The following PRKN variants were observed in gnomAD, a reference collection of about 807,000 sequenced individuals.
PRKN encodes the protein E3 ubiquitin-protein ligase parkin.
A neutral mutation model predicts 59.5 loss-of-function variants in PRKN; 56 were observed. That is an observed-to-expected ratio of 0.94 (90% CI 0.76 to 1.18). The LOEUF (loss-of-function observed/expected upper bound fraction) is 1.18, where lower values mean the gene tolerates loss of function less well. Among genes scored for constraint, PRKN ranks in the 50% most tolerant of loss-of-function variants. PRKN has a pLI of 0.00. For synonymous variants in PRKN, 250 were observed against 222.1 expected (o/e 1.13, Z -1.12); for missense variants, 657 against 596.4 (o/e 1.10, Z -1.06).
intron 6 of PRKN, among the ~76,000 whole-genome samples, chr6:161,935,752 A>G (rs189544529): frequency 6.6e-6 from 1 of 152,294 alleles, no homozygotes; most frequent in East Asian, 1.9e-4. Context: ...TTACAAATTG[A>G]TAACTCCTGT....
intron 1 of PRKN, among the ~76,000 whole-genome samples, chr6:162,455,122 C>T (rs1790806609): frequency 6.6e-6 from 1 of 152,124 alleles, no homozygotes; most frequent in Non-Finnish European, 1.5e-5. Flanking sequence ...CAGGGAAGTT[C>T]TCAGAAGATC....
At position 161,355,904 on chromosome 6, in the gene PRKN, C is replaced by T. The variant is rs1784729327; in HGVS notation, c.1285+4184G>A. On this transcript the variant is annotated intron_variant, in intron 11 of 11. Coordinates refer to ENST00000366898, the MANE Select transcript of PRKN (RefSeq NM_004562.3). The surrounding 1 kb of genome is among the most constrained non-coding windows in gnomAD (Gnocchi z 6.8). The stretch of plus-strand genomic sequence containing the variant: ...ATTATTATTAAACTGGTGGGTGGGA[C>T]TCGTTGGGTAAAGGGGGAAGCAGAC... Among the ~76,000 whole-genome samples the T allele has an allele frequency of 6.6e-6, 1 of 151,996 alleles. No individual in the cohort carries two copies. The highest frequency in any genetic ancestry group is 2.4e-5 in the African/African-American group (1 of 41,348).
At chr6:162,585,343 G>A (rs1419677462) in intron 1 of PRKN, among the ~76,000 whole-genome samples, 4 of 152,046 alleles carry the variant, frequency 2.6e-5, no homozygotes, top group Admixed American at 6.5e-5. Context: ...CATGTCCTCC[G>A]ACAGCAAACT....
At position 161,832,809 on chromosome 6, in the gene PRKN, G is replaced by A. The variant is rs147745377; in HGVS notation, c.735-46901C>T. Among the ~76,000 whole-genome samples, 460 of 151,872 alleles carry A rather than the reference G, an allele frequency of 3.0e-3. 3 individuals are homozygous for A. Among genetic ancestry groups the A allele is most frequent in the African/African-American group, 4.4e-3 (182 of 41,416 alleles). On this transcript the variant is annotated intron_variant, in intron 6 of 11. Coordinates refer to ENST00000366898, the MANE Select transcript of PRKN (RefSeq NM_004562.3). ...GTCTGTCTGGAGAAAGCTTTGTGGCGGCGCCTGTGCCCTGCAGGGTCTCCA... is the reference window on the plus strand; with the variant it reads ...GTCTGTCTGGAGAAAGCTTTGTGGCAGCGCCTGTGCCCTGCAGGGTCTCCA...
chr6:162,653,186 A>G (rs749879979), intron 1 of PRKN, among the ~76,000 whole-genome samples: 10 of 152,246 alleles, frequency 6.6e-5, no homozygotes, highest in Non-Finnish European at 1.3e-4. Context: ...GGAAGGATAT[A>G]CAAACAGTTT....
intron 11 of PRKN, among the ~76,000 whole-genome samples, chr6:161,351,137 T>C (rs1436024453): frequency 4.1e-4 from 54 of 130,454 alleles, no homozygotes; most frequent in Non-Finnish European, 4.7e-4. Context: ...TTTATATATT[T>C]ATATTTAAAA....
At chr6:161,632,451 C>T (rs1045984322) in intron 7 of PRKN, among the ~76,000 whole-genome samples, 3 of 152,128 alleles carry the variant, frequency 2.0e-5, no homozygotes, top group Admixed American at 6.5e-5. Flanking sequence ...GAAATTGCAT[C>T]TTGATTCATT....
At chr6:162,491,269 C>CAA (rs1415926992) in intron 1 of PRKN, among the ~76,000 whole-genome samples, 12 of 75,994 alleles carry the variant, frequency 1.6e-4, no homozygotes, top group African/African-American at 3.3e-4. Context: ...GACTCTGGCT[C>CAA]AAAAAAAAAA....
At chr6:161,988,295 T>C (rs1369812255) in intron 5 of PRKN, among the ~76,000 whole-genome samples, 1 of 152,074 alleles carries the variant, frequency 6.6e-6, no homozygotes, top group African/African-American at 2.4e-5. Context: ...GAGACCAGCC[T>C]GGCCAACGTG....
chr6:162,031,941 C>A (rs1161725676), intron 5 of PRKN, among the ~76,000 whole-genome samples: 1 of 152,174 alleles, frequency 6.6e-6, no homozygotes, highest in Non-Finnish European at 1.5e-5. Flanking sequence ...AAAGCTTGTT[C>A]TACTAACTAC....
intron 2 of PRKN, among the ~76,000 whole-genome samples, chr6:162,312,604 T>C (rs1021485480): frequency 6.6e-6 from 1 of 152,164 alleles, no homozygotes; most frequent in Non-Finnish European, 1.5e-5. Flanking sequence ...TGACAGGGGA[T>C]AACACACACC....
chr6:162,641,385 G>A (rs1454382467), intron 1 of PRKN, among the ~76,000 whole-genome samples: 1 of 151,722 alleles, frequency 6.6e-6, no homozygotes, highest in African/African-American at 2.4e-5. Flanking sequence ...TCAAATTGTA[G>A]AAGGCAAAAA....
At position 162,175,005 on chromosome 6, in the gene PRKN, C is replaced by T. The variant is rs185627901; in HGVS notation, c.534+26126G>A. On this transcript the variant is annotated intron_variant, in intron 4 of 11. Coordinates refer to ENST00000366898, the MANE Select transcript of PRKN (RefSeq NM_004562.3). ...GCCTACCGAGGTGTCTTTCCCCACC[C>T]TGTGAGGCTCTACTAAAGAGACAAG... is the stretch of plus-strand genomic sequence containing the variant. 6.4e-3 allele frequency among the ~76,000 whole-genome samples: 974 copies of T among 152,316 alleles called. 8 individuals are homozygous for T. The highest frequency in any genetic ancestry group is 0.022 in the African/African-American group (922 of 41,556).
chr6:161,508,762 TC>T (rs1015632166), intron 9 of PRKN, among the ~76,000 whole-genome samples: 1 of 151,952 alleles, frequency 6.6e-6, no homozygotes, highest in Non-Finnish European at 1.5e-5. Context: ...CTACTTTTTT[TC>T]CCCCTCAATT....
chr6:161,961,458 G>T (rs1338202967), intron 6 of PRKN, among the ~76,000 whole-genome samples: 4 of 152,176 alleles, frequency 2.6e-5, no homozygotes, highest in Non-Finnish European at 5.9e-5. Context: ...ATGATTCTAT[G>T]TATTTCTTCA....
At chr6:162,240,326 A>G (rs1280868481) in intron 3 of PRKN, among the ~76,000 whole-genome samples, 1 of 152,216 alleles carries the variant, frequency 6.6e-6, no homozygotes, top group East Asian at 1.9e-4. Context: ...GCTGTTACAG[A>G]ACAGACCTTC....
intron 1 of PRKN, among the ~76,000 whole-genome samples, chr6:162,686,534 T>C (rs1777559923): frequency 6.6e-6 from 1 of 152,202 alleles, no homozygotes; most frequent in Non-Finnish European, 1.5e-5. Context: ...AGAGTCTGTC[T>C]GGCTAGAAAA....
rs558811414 is a variant in PRKN at position 161,519,036 on chromosome 6, G to A, written c.1083+29818C>T. Among the ~76,000 whole-genome samples, 83 of 152,284 alleles carry A rather than the reference G, an allele frequency of 5.5e-4. 1 individual carries two copies. Among genetic ancestry groups the A allele is most frequent in the African/African-American group, 1.8e-3 (74 of 41,564 alleles). ...GACAGAGAGCATAGACATTTATAGC[G>A]CAATGTACTTGTAACACCCAGAGAC... On this transcript the variant is annotated intron_variant, in intron 9 of 11. Transcript: ENST00000366898.
intron 3 of PRKN, among the ~76,000 whole-genome samples, chr6:162,213,645 G>T (rs1583208599): frequency 6.6e-6 from 1 of 152,190 alleles, no homozygotes; most frequent in South Asian, 2.1e-4. Flanking sequence ...TGAGGTGGGA[G>T]AATTGCTTGA....
Sources: gnomAD v4.1 joint callset for allele counts (sites outside exome capture counted in the v4.1 genomes callset) on GRCh38, gnomAD v4.1.1 for gene constraint, Gnocchi (gnomAD v3.1) non-coding constraint, MANE v1.5 for transcripts, NCBI Gene and HGNC (gene_info 2026-07-23, HGNC 2026-07-21) for gene names.